Variants in TAF1D observed in about 807,000 individuals in gnomAD.
The protein encoded by TAF1D is TATA box-binding protein-associated factor RNA polymerase I subunit D.
In TAF1D, 23 loss-of-function variants were observed where a neutral mutation model predicts 26.2. The observed-to-expected ratio is 0.88, with a 90% CI of 0.63 to 1.25. The LOEUF (loss-of-function observed/expected upper bound fraction) is 1.25. TAF1D is among the 50% of genes most tolerant of loss of function. TAF1D has a pLI of 0.00. For synonymous variants in TAF1D, 100 were observed against 105.6 expected (o/e 0.95, Z 0.33); for missense variants, 299 against 322.0 (o/e 0.93, Z 0.55).
Position 93,738,095 on chromosome 11 carries a change from A to G in TAF1D, c.459+14T>C, listed in dbSNP as rs747178660. The G allele has an allele frequency of 6.5e-7, 1 of 1,536,366 alleles. No homozygotes were observed. The highest frequency in any genetic ancestry group is 1.3e-5 in the South Asian group (1 of 75,794). ...TGAGTTATGTGTAGCCATGTATGTA[A>G]AATGCTGACTCACCTCAAACGTTAA... On this transcript the variant is annotated intron_variant, in intron 3 of 5. Coordinates refer to ENST00000448108, the MANE Select transcript of TAF1D (RefSeq NM_024116.4).
At chr11:93,730,894 G>A, downstream of TAF1D, 1 of 460,756 alleles carries the variant, frequency 2.2e-6, no homozygotes, top group Admixed American at 2.4e-5. Context: ...AGAGATCTAG[G>A]AGAATTTTCA....
chr11:93,737,107 A>G lies in TAF1D; in HGVS notation c.592T>C (p.Phe198Leu), dbSNP rs780610419. 5.6e-6 allele frequency: 9 copies of G among 1,609,478 alleles called. No individual in the cohort carries two copies. Among genetic ancestry groups the G allele is most frequent in the Non-Finnish European group, 6.8e-6 (8 of 1,178,386 alleles). ...NEDFDSRRYK[F>L]LDDDGSISPI... is the part of the protein sequence containing the mutation. ...GAAATGGATCCATCATCATCCAAAA[A>G]TTTGTATCTACGACTGTCAAAATCT... The change falls in exon 4 of 6, where the codon TTT (phenylalanine) becomes CTT (leucine). Residue 198 changes from phenylalanine to leucine, a missense_variant. Coordinates refer to ENST00000448108, the MANE Select transcript of TAF1D (RefSeq NM_024116.4).
downstream of TAF1D, chr11:93,733,700 G>T (rs2155248): frequency 0.95 from 417,167 of 438,510 alleles, 200,248 homozygotes; most frequent in Non-Finnish European, 0.99. Context: ...AGGGGTTCGA[G>T]GCTACAGTGA....
downstream of TAF1D, chr11:93,733,109 AT>A: frequency 2.5e-6 from 1 of 399,426 alleles, no homozygotes; most frequent in Non-Finnish European, 4.9e-6. Context: ...ATGAGTTCAA[AT>A]CACATTCATT....
At chr11:93,732,275 G>C, downstream of TAF1D, 1 of 489,952 alleles carries the variant, frequency 2.0e-6, no homozygotes, top group Non-Finnish European at 4.1e-6. Context: ...GATCTACCTG[G>C]TTCTCAATTT....
At chr11:93,739,961 C>CAAAAAAAAAAAA (rs67574108) in intron 1 of TAF1D, among the ~76,000 whole-genome samples, 5 of 82,416 alleles carry the variant, frequency 6.1e-5, no homozygotes, top group Non-Finnish European at 8.6e-5. Flanking sequence ...TACAACATAC[C>CAAAAAAAAAAAA]AAAAAAAAAA....
In TAF1D at chr11:93,736,713, T is replaced by C; in HGVS notation, c.674A>G (p.Glu225Gly). ...ACTTACTGCCAATTTGATATCACAT[T>C]CGTTATCTTCAAGATGTGTTGCATC... ...DEDATHLEDNECDIKLAGDSF... is the reference protein window; with the variant it reads ...DEDATHLEDNGCDIKLAGDSF... Residue 225 changes from glutamate to glycine, a missense_variant, in exon 5 of 6, where the codon GAA (glutamate) becomes GGA (glycine). By Grantham distance (98) the Glu-to-Gly change is moderately conservative. Transcript: ENST00000448108. The C allele has an allele frequency of 1.9e-6, 3 of 1,611,672 alleles. No homozygotes were observed. The Middle Eastern group carries it at 5.0e-4, about 266-fold the overall frequency.
chr11:93,730,390 A>T, exon 12 of TAF1D: 1 of 866,288 alleles, frequency 1.2e-6, no homozygotes, highest in South Asian at 1.4e-5. Flanking sequence ...ACTGTCCATC[A>T]AGGTCACTTT....
chr11:93,736,651 C>T, intron 5 of TAF1D, 43 bp downstream of exon 5: 1 of 1,603,226 alleles, frequency 6.2e-7, no homozygotes, highest in Non-Finnish European at 8.5e-7. Context: ...TCAACCAACT[C>T]CTGCCTTCCC....
chr11:93,731,097 C>A, downstream of TAF1D: 1 of 512,560 alleles, frequency 2.0e-6, no homozygotes, highest in Non-Finnish European at 3.9e-6. Context: ...TTGGTAATGA[C>A]CATTACACCC....
chr11:93,736,626 A>T, intron 5 of TAF1D, 68 bp downstream of exon 5: 1 of 1,570,946 alleles, frequency 6.4e-7, no homozygotes, highest in Non-Finnish European at 8.6e-7. Context: ...AAAACTAAAT[A>T]TAATTCCTTC....
At chr11:93,736,798 CTAAT>C in intron 4 of TAF1D, 47 bp from the exon 5 acceptor site, 1 of 1,556,678 alleles carries the variant, frequency 6.4e-7, no homozygotes, top group Non-Finnish European at 8.8e-7. Context: ...CTTCGATGAC[CTAAT>C]TAGTTGTATA....
rs1940659525 is a variant in TAF1D at position 93,735,835 on chromosome 11, T to C, written c.*326A>G. The C allele has an allele frequency of 9.3e-7, 1 of 1,076,990 alleles. No individual in the cohort carries two copies. Among genetic ancestry groups the C allele is most frequent in the Non-Finnish European group, 1.1e-6 (1 of 887,966 alleles). 66.7% of individuals were successfully genotyped at this position (1,076,990 alleles called of 1,614,324 possible). On this transcript the variant is annotated 3_prime_UTR_variant, in exon 6 of 6. Transcript: ENST00000448108. ...TGGGTGTCAAGTTACTTTAAGATTT[T>C]CTTTTCAAAATTAAAATCACTACAT...
chr11:93,741,215 C>T (rs1941972509), intron 1 of TAF1D, 107 bp downstream of exon 1: 1 of 421,924 alleles, frequency 2.4e-6, no homozygotes, highest in Admixed American at 2.6e-5. Context: ...GGACCGACTT[C>T]GGAGTCTCGA....
chr11:93,734,876 C>T, downstream of TAF1D: 1 of 813,620 alleles, frequency 1.2e-6, no homozygotes, highest in East Asian at 6.5e-5. Context: ...CTGCCTCAGC[C>T]TCCCCCCTTT....
Position 93,735,866 on chromosome 11 carries a change from T to C in TAF1D, c.*295A>G. 3 of 1,120,718 alleles carry C rather than the reference T, an allele frequency of 2.7e-6. No individual in the cohort carries two copies. Among genetic ancestry groups the C allele is most frequent in the Non-Finnish European group, 3.3e-6 (3 of 916,198 alleles). The allele number at this position is 1,120,718 out of a possible 1,614,324, so 69.4% of individuals were successfully genotyped here. On this transcript the variant is annotated 3_prime_UTR_variant, in exon 6 of 6. Transcript: ENST00000448108. The stretch of plus-strand genomic sequence containing the variant: ...CAAAATTAAAATCACTACATTTCAT[T>C]GTTTCAATACTCACAGGACACCTGT...
downstream of TAF1D, chr11:93,734,359 A>G (rs921269291): frequency 3.7e-6 from 1 of 266,766 alleles, no homozygotes; most frequent in Non-Finnish European, 7.5e-6. Context: ...ATTCAAAATA[A>G]TGCTGTAGGC....
downstream of TAF1D, chr11:93,735,020 T>G: frequency 1.6e-6 from 2 of 1,238,010 alleles, no homozygotes; most frequent in Non-Finnish European, 2.1e-6. Flanking sequence ...CACCTTGGTG[T>G]GGGGATTGCA....
In TAF1D at chr11:93,741,360, T is replaced by G; in HGVS notation, c.-66A>C. The stretch of plus-strand genomic sequence containing the variant: ...GCAGTGGCCCCAACCGCGCACTTGC[T>G]GCTTGTAACCCAGGCCTCGGCCCAA... On this transcript the variant is annotated 5_prime_UTR_variant, in exon 1 of 6. Transcript: ENST00000448108. The G allele has an allele frequency of 2.2e-6, 1 of 455,410 alleles. No homozygotes were observed. Among genetic ancestry groups the G allele is most frequent in the Non-Finnish European group, 4.4e-6 (1 of 226,820 alleles). 28.2% of individuals were successfully genotyped at this position (455,410 alleles called of 1,614,324 possible). A position where few individuals can be genotyped will look rare whatever the true frequency, so the allele number is the denominator to read the frequency against.
Sources: allele counts gnomAD v4.1 joint callset (sites outside exome capture counted in the v4.1 genomes callset), GRCh38; gene constraint gnomAD v4.1.1; transcripts MANE v1.5; gene names NCBI Gene and HGNC (gene_info 2026-07-23, HGNC 2026-07-21).